PCDHGB2: variants seen among roughly 807,000 people sequenced by gnomAD.
The protein encoded by PCDHGB2 is protocadherin gamma subfamily B, 2.
A neutral mutation model predicts 59.3 loss-of-function variants in PCDHGB2; 55 were observed. The observed-to-expected ratio is 0.93, with a 90% confidence interval of 0.75 to 1.16. The LOEUF is 1.16. Ranked by LOEUF, PCDHGB2 falls within the 50% of genes most tolerant of loss-of-function variation. The pLI, the probability that PCDHGB2 is intolerant of heterozygous loss-of-function variation, is 0.00. For synonymous variants in PCDHGB2, 516 were observed against 512.0 expected (o/e 1.01, Z -0.11); for missense variants, 1,228 against 1,198.5 (o/e 1.02, Z -0.36).
intron 1 of PCDHGB2, among the ~76,000 whole-genome samples, chr5:141,455,250 A>C (rs1016027355): frequency 2.0e-5 from 3 of 152,172 alleles, no homozygotes; most frequent in Non-Finnish European, 2.9e-5. Flanking sequence ...GTCATAGTAC[A>C]ATCGCATTTC....
In PCDHGB2 at chr5:141,410,110, C is replaced by G. The variant is rs1361292941; in HGVS notation, c.2421+47554C>G. The G allele has an allele frequency of 6.8e-6, 11 of 1,612,422 alleles. No homozygotes were observed. In the African/African-American group the frequency reaches 1.3e-4, roughly 20 times the overall value. ...CGGCTCGAGCCTTAGGCGACAGGGA[C>G]GCAGCCCGCCAGCGCCTGCTGGTCG... is the stretch of plus-strand genomic sequence containing the variant. On this transcript the variant is annotated intron_variant, in intron 1 of 3. Coordinates refer to ENST00000522605, the MANE Select transcript of PCDHGB2 (RefSeq NM_018923.3).
At chr5:141,365,492 A>G in intron 1 of PCDHGB2, 1 of 1,613,970 alleles carries the variant, frequency 6.2e-7, no homozygotes, top group Non-Finnish European at 8.5e-7. Flanking sequence ...CTCTATTCCT[A>G]GGAATTTGCC....
At chr5:141,427,826 G>A (rs550161736) in intron 1 of PCDHGB2, 2 of 1,536,500 alleles carry the variant, frequency 1.3e-6, no homozygotes, top group Admixed American at 3.3e-5. Flanking sequence ...TGGTGGTCGC[G>A]CAGCGTGCCT....
At chr5:141,478,629 T>A in intron 1 of PCDHGB2, 1 of 1,553,688 alleles carries the variant, frequency 6.4e-7, no homozygotes, top group Non-Finnish European at 8.7e-7. Context: ...AGCTGTTTTT[T>A]TAGTGATGAA....
intron 1 of PCDHGB2, chr5:141,375,556 G>A (rs750283278): frequency 2.9e-5 from 47 of 1,614,044 alleles, no homozygotes; most frequent in Non-Finnish European, 4.0e-5. Context: ...CCTACTCACT[G>A]GCAGAAGACA....
chr5:141,458,594 G>A (rs1226490392), intron 1 of PCDHGB2, among the ~76,000 whole-genome samples: 2 of 151,612 alleles, frequency 1.3e-5, no homozygotes, highest in South Asian at 2.1e-4. Flanking sequence ...TTTTGGAGAC[G>A]AGTCTCACTC....
intron 1 of PCDHGB2, chr5:141,400,044 G>T: frequency 1.2e-6 from 2 of 1,613,672 alleles, no homozygotes; most frequent in Non-Finnish European, 1.7e-6. Context: ...AGCGCCTGCT[G>T]GTTGCTGTGC....
chr5:141,471,254 T>A (rs1043647138), intron 1 of PCDHGB2: 1 of 151,828 alleles, frequency 6.6e-6, no homozygotes, highest in African/African-American at 2.4e-5. Flanking sequence ...TTTCACCATG[T>A]TGGCAAGGCT....
intron 1 of PCDHGB2, chr5:141,395,078 G>A: frequency 1.2e-6 from 2 of 1,614,126 alleles, no homozygotes; most frequent in Non-Finnish European, 1.7e-6. Flanking sequence ...CCTATTCCCA[G>A]GAAGTCTCCC....
At chr5:141,463,796 G>T (rs139760353) in intron 1 of PCDHGB2, among the ~76,000 whole-genome samples, 3 of 152,114 alleles carry the variant, frequency 2.0e-5, no homozygotes, top group Non-Finnish European at 2.9e-5. Flanking sequence ...TTGAACAAAT[G>T]TCTAAAAGCT....
intron 1 of PCDHGB2, among the ~76,000 whole-genome samples, chr5:141,373,754 ATAT>A (rs1224910859): frequency 6.6e-6 from 1 of 152,230 alleles, no homozygotes; most frequent in Non-Finnish European, 1.5e-5. Context: ...GGGGAGGGAA[ATAT>A]TATGAGTGTC....
intron 1 of PCDHGB2, chr5:141,409,280 T>C (rs1277414418): frequency 6.2e-7 from 1 of 1,613,904 alleles, no homozygotes; most frequent in Non-Finnish European, 8.5e-7. Context: ...TTTGGAGAAT[T>C]CACCTCCAGG....
intron 1 of PCDHGB2, chr5:141,384,177 TG>T: frequency 6.2e-7 from 1 of 1,613,838 alleles, no homozygotes; most frequent in South Asian, 1.1e-5. Context: ...AAGCCACAGA[TG>T]GTGGAACTCC....
intron 1 of PCDHGB2, chr5:141,371,186 G>A (rs779475479): frequency 1.9e-6 from 3 of 1,614,028 alleles, no homozygotes; most frequent in Non-Finnish European, 8.5e-7. Flanking sequence ...TATTAAAAGT[G>A]ATGGCCATTG....
intron 1 of PCDHGB2, chr5:141,378,037 A>G (rs898518521): frequency 1.3e-5 from 2 of 152,204 alleles, no homozygotes; most frequent in African/African-American, 4.8e-5. Flanking sequence ...TTAAAACAAG[A>G]CTTTCCTTAT....
chr5:141,449,154 A>G (rs2098630387), intron 1 of PCDHGB2, among the ~76,000 whole-genome samples: 1 of 152,180 alleles, frequency 6.6e-6, no homozygotes, highest in African/African-American at 2.4e-5. Flanking sequence ...TGGGTCAAAG[A>G]GGAAATAGGT....
intron 1 of PCDHGB2, chr5:141,404,785 C>T (rs1028323734): frequency 1.9e-6 from 3 of 1,613,330 alleles, no homozygotes; most frequent in Admixed American, 1.7e-5. Context: ...TATTCAAGGC[C>T]AGTGAGCCAG....
intron 1 of PCDHGB2, chr5:141,478,117 C>G (rs1419172538): frequency 1.3e-5 from 21 of 1,614,058 alleles, no homozygotes; most frequent in Non-Finnish European, 1.7e-5. Context: ...TGTCAGTAAC[C>G]GAGGACTCTC....
intron 1 of PCDHGB2, chr5:141,426,496 G>A: frequency 3.0e-6 from 1 of 337,022 alleles, no homozygotes; most frequent in South Asian, 2.4e-5. Flanking sequence ...AGTTAGTGCA[G>A]AGAAACAATA....
Sources: allele counts gnomAD v4.1 joint callset (sites outside exome capture counted in the v4.1 genomes callset), GRCh38; gene constraint gnomAD v4.1.1; transcripts MANE v1.5; gene names NCBI Gene and HGNC (gene_info 2026-07-23, HGNC 2026-07-21).